DPP6: variants seen among roughly 807,000 people sequenced by gnomAD.
DPP6 encodes the protein dipeptidyl peptidase like 6.
Under a neutral mutation model 122.6 loss-of-function variants are expected in DPP6, and 69 were observed. That is an observed-to-expected ratio of 0.56 (90% CI 0.46 to 0.69). The LOEUF is 0.69. Among genes scored for constraint, DPP6 ranks in the 30% least tolerant of loss-of-function variants. The pLI is 0.00. For missense variants in DPP6, 928 were observed against 1,116.9 expected, an observed-to-expected ratio of 0.83 and a Z score of 2.41; for synonymous variants, 418 against 433.1, an observed-to-expected ratio of 0.97 and a Z score of 0.43.
chr7:153,811,731 G>A, the DPP6 span, among the ~76,000 whole-genome samples: 2 of 152,108 alleles, frequency 1.3e-5, no homozygotes, highest in African/African-American at 2.4e-5. Flanking sequence ...TTATGTAAAC[G>A]TTGTGTGTTT....
In DPP6 at chr7:154,848,566, C is replaced by T. The variant is rs555906060; in HGVS notation, c.1667-5214C>T. Among the ~76,000 whole-genome samples the T allele has an allele frequency of 2.6e-3, 390 of 152,168 alleles. 1 individual carries two copies. Among genetic ancestry groups the T allele is most frequent in the African/African-American group, 8.8e-3 (367 of 41,498 alleles). ...TCCTTACATATTTTGGTTATTAGCC[C>T]CTTATGTGATATATGATTTGCCAGT... On this transcript the variant is annotated intron_variant, in intron 16 of 25. Transcript: ENST00000377770.
chr7:154,446,840 A>T (rs527441005), intron 2 of DPP6, among the ~76,000 whole-genome samples: 1 of 152,352 alleles, frequency 6.6e-6, no homozygotes, highest in East Asian at 1.9e-4. Flanking sequence ...TACATGCACT[A>T]TTGAGTAAGC....
Position 154,328,025 on chromosome 7 carries a change from T to C in DPP6, c.244-118189T>C, listed in dbSNP as rs1419549044. On this transcript the variant is annotated intron_variant, in intron 1 of 25. Coordinates refer to ENST00000377770, the MANE Select transcript of DPP6 (RefSeq NM_130797.4). ...AGTTTGTTTCCTGAGACCCCTCTGG[T>C]GGAGGTGGTTGTTATTCATGCTTGC... Among the ~76,000 whole-genome samples the C allele has an allele frequency of 7.2e-5, 11 of 152,110 alleles. 1 individual carries two copies.
intron 7 of DPP6, among the ~76,000 whole-genome samples, chr7:154,725,971 T>C (rs1842046128): frequency 6.6e-6 from 1 of 152,124 alleles, no homozygotes; most frequent in Non-Finnish European, 1.5e-5. Flanking sequence ...AGTCATTAGA[T>C]CTTAAAGCTC....
chr7:154,337,954 T>C (rs1241254566), intron 1 of DPP6, among the ~76,000 whole-genome samples: 4 of 152,228 alleles, frequency 2.6e-5, no homozygotes, highest in South Asian at 2.1e-4. Context: ...CCGTGTGGCA[T>C]GCAGGCCACA....
intron 1 of DPP6, among the ~76,000 whole-genome samples, chr7:154,377,776 C>G (rs1338258175): frequency 6.6e-6 from 1 of 152,152 alleles, no homozygotes; most frequent in East Asian, 1.9e-4. Flanking sequence ...ATAAATTACC[C>G]AGCCTCAGTT....
At chr7:154,867,677 G>C (rs1804000388) in intron 17 of DPP6, among the ~76,000 whole-genome samples, 1 of 152,214 alleles carries the variant, frequency 6.6e-6, no homozygotes, top group Admixed American at 6.5e-5. Context: ...AAAACCAGCA[G>C]TCATGGGAAG....
Position 154,602,579 on chromosome 7 carries a change from C to T in DPP6, c.628-35242C>T, listed in dbSNP as rs181080845. Among the ~76,000 whole-genome samples, 36 of 117,164 alleles carry T rather than the reference C, an allele frequency of 3.1e-4. 7 individuals are homozygous for T. Among genetic ancestry groups the T allele is most frequent in the African/African-American group, 9.8e-4 (36 of 36,838 alleles). 76.9% of individuals were successfully genotyped at this position (117,164 alleles called of 152,430 possible). A position where few individuals can be genotyped will look rare whatever the true frequency, so the allele number is the denominator to read the frequency against. On this transcript the variant is annotated intron_variant, in intron 5 of 25. Coordinates refer to ENST00000377770, the MANE Select transcript of DPP6 (RefSeq NM_130797.4). Reference sequence around the variant, plus strand: ...AGCTGGGATTATAGGCACCCACCATCATGCCTGGCTAATTTTTTGTGTGTG... The same window carrying T: ...AGCTGGGATTATAGGCACCCACCATTATGCCTGGCTAATTTTTTGTGTGTG...
At chr7:153,870,474 A>G in the DPP6 span, among the ~76,000 whole-genome samples, 17 of 152,246 alleles carry the variant, frequency 1.1e-4, 1 homozygote, top group Admixed American at 9.8e-4. Flanking sequence ...TCATCACATA[A>G]TTCTCGTGCT....
chr7:154,147,826 G>T (rs1292320085), intron 1 of DPP6, among the ~76,000 whole-genome samples: 1 of 152,128 alleles, frequency 6.6e-6, no homozygotes, highest in Admixed American at 6.5e-5. Flanking sequence ...TTACAAGTGT[G>T]AGCCGCAGCA....
At chr7:153,852,540 A>G in the DPP6 span, among the ~76,000 whole-genome samples, 2 of 152,120 alleles carry the variant, frequency 1.3e-5, no homozygotes, top group Non-Finnish European at 2.9e-5. Context: ...AACTACCCTC[A>G]TGATTCAATC....
At chr7:154,295,953 T>C (rs1339249795) in intron 1 of DPP6, among the ~76,000 whole-genome samples, 1 of 149,580 alleles carries the variant, frequency 6.7e-6, no homozygotes, top group East Asian at 2.0e-4. Context: ...TCTTTTTTTT[T>C]TTTTTTTTTG....
At chr7:154,374,047 T>G (rs1306404437) in intron 1 of DPP6, among the ~76,000 whole-genome samples, 1 of 152,220 alleles carries the variant, frequency 6.6e-6, no homozygotes, top group South Asian at 2.1e-4. Context: ...GAAACCAGCC[T>G]ATTTTCACAC....
intron 1 of DPP6, among the ~76,000 whole-genome samples, chr7:154,030,734 C>G (rs564906515): frequency 6.6e-6 from 1 of 152,100 alleles, no homozygotes; most frequent in African/African-American, 2.4e-5. Context: ...GATTCAGCGT[C>G]TGGACTTCCC....
At chr7:154,059,828 A>G (rs922144282) in intron 1 of DPP6, among the ~76,000 whole-genome samples, 6 of 151,340 alleles carry the variant, frequency 4.0e-5, no homozygotes, top group African/African-American at 1.5e-4. Flanking sequence ...CTACGTCTCT[A>G]AACAACTAGA....
At chr7:154,832,366 C>T (rs1312480852) in intron 16 of DPP6, among the ~76,000 whole-genome samples, 4 of 152,136 alleles carry the variant, frequency 2.6e-5, no homozygotes, top group Non-Finnish European at 5.9e-5. Flanking sequence ...GATAAGTATG[C>T]ATTTGCATGA....
intron 1 of DPP6, among the ~76,000 whole-genome samples, chr7:153,904,918 C>T (rs928725700): frequency 2.6e-5 from 4 of 152,178 alleles, no homozygotes; most frequent in South Asian, 2.1e-4. Flanking sequence ...GGAATGAAGA[C>T]GCAAAGATAG....
intron 1 of DPP6, among the ~76,000 whole-genome samples, chr7:154,005,043 A>G (rs1445557709): frequency 2.0e-5 from 3 of 147,524 alleles, no homozygotes; most frequent in Non-Finnish European, 4.5e-5. Context: ...ATCAGACCTG[A>G]AAAAAAAAAG....
rs76965273 is a variant in DPP6 at position 154,835,304 on chromosome 7, C to T, written c.1667-18476C>T. ...AGGCAGGGAAAGGAAGGACAAGCCG[C>T]GGACTGATGGCCCCCACCAGAAGCT... On this transcript the variant is annotated intron_variant, in intron 16 of 25. Transcript: ENST00000377770. 7.5e-3 allele frequency among the ~76,000 whole-genome samples: 1,142 copies of T among 152,254 alleles called. 30 individuals are homozygous for T. In the East Asian group the frequency reaches 0.075, roughly 10 times the overall value.
Sources: allele counts gnomAD v4.1 joint callset (sites outside exome capture counted in the v4.1 genomes callset), GRCh38; gene constraint gnomAD v4.1.1; transcripts MANE v1.5; gene names NCBI Gene and HGNC (gene_info 2026-07-23, HGNC 2026-07-21).